The following MOB3B variants were observed in gnomAD, a reference collection of about 807,000 sequenced individuals.
The protein encoded by MOB3B is MOB kinase activator-like 2B.
MOB3B carries 7 observed loss-of-function variants against 18.7 expected under a neutral mutation model. The observed-to-expected ratio is 0.37, with a 90% confidence interval of 0.21 to 0.70. MOB3B has a LOEUF of 0.70. Ranked by LOEUF, MOB3B falls within the 30% of genes least tolerant of loss-of-function variation. The probability of loss-of-function intolerance (pLI) is 0.52; values close to 1 mark genes in which losing one functional copy is unlikely to be tolerated. For synonymous variants in MOB3B, 111 were observed against 99.9 expected, an observed-to-expected ratio of 1.11 and a Z score of -0.66; for missense variants, 253 against 281.3, an observed-to-expected ratio of 0.90 and a Z score of 0.72.
At chr9:27,402,084 T>C (rs972260441) in intron 2 of MOB3B, among the ~76,000 whole-genome samples, 2 of 152,220 alleles carry the variant, frequency 1.3e-5, no homozygotes, top group African/African-American at 2.4e-5. Context: ...AGTTTCTTCA[T>C]CTATAAAATG....
intron 2 of MOB3B, among the ~76,000 whole-genome samples, chr9:27,432,008 A>G (rs1432323085): frequency 1.3e-5 from 2 of 152,240 alleles, no homozygotes; most frequent in African/African-American, 4.8e-5. Context: ...AAACAGTCCA[A>G]CATCCATTAG....
chr9:27,360,130 C>T (rs557336575), intron 2 of MOB3B, among the ~76,000 whole-genome samples: 19 of 152,274 alleles, frequency 1.2e-4, no homozygotes, highest in South Asian at 6.2e-4. Context: ...CCTCCTACAG[C>T]GCCTAGAACA....
chr9:27,388,395 G>A (rs895406418), intron 2 of MOB3B, among the ~76,000 whole-genome samples: 3 of 152,066 alleles, frequency 2.0e-5, no homozygotes, highest in African/African-American at 7.2e-5. Flanking sequence ...CTGACCAGGG[G>A]GTTATTACCT....
chr9:27,487,152 T>TAAATAAAC (rs763941890), intron 1 of MOB3B, among the ~76,000 whole-genome samples: 1 of 16,144 alleles, frequency 6.2e-5, no homozygotes, highest in Non-Finnish European at 2.4e-4. Context: ...AATAAATAAA[T>TAAATAAAC]AAAATAAATA....
intron 3 of MOB3B, among the ~76,000 whole-genome samples, chr9:27,332,041 A>T (rs1820797302): frequency 6.6e-6 from 1 of 152,166 alleles, no homozygotes; most frequent in Non-Finnish European, 1.5e-5. Flanking sequence ...GCTGTTGCCC[A>T]GGCTGGAGTG....
At chr9:27,371,719 T>C (rs1316462178) in intron 2 of MOB3B, among the ~76,000 whole-genome samples, 1 of 152,146 alleles carries the variant, frequency 6.6e-6, no homozygotes, top group Non-Finnish European at 1.5e-5. Context: ...TGTGCCAGCC[T>C]GGAGAGTGTA....
chr9:27,479,483 C>CA (rs1425922543), intron 1 of MOB3B, among the ~76,000 whole-genome samples: 119 of 151,766 alleles, frequency 7.8e-4, no homozygotes, highest in Middle Eastern at 6.8e-3. Flanking sequence ...ATATTCATAC[C>CA]AAAAAAGAGA....
intron 1 of MOB3B, among the ~76,000 whole-genome samples, chr9:27,521,583 G>T (rs1820332307): frequency 6.6e-6 from 1 of 152,114 alleles, no homozygotes; most frequent in Non-Finnish European, 1.5e-5. Flanking sequence ...AGCAAAATGG[G>T]GAACAAGCAG....
intron 3 of MOB3B, among the ~76,000 whole-genome samples, chr9:27,332,842 T>C (rs1486444126): frequency 6.6e-6 from 1 of 152,246 alleles, no homozygotes; most frequent in South Asian, 2.1e-4. Flanking sequence ...AACTCAGGTC[T>C]ATCTGACCGC....
In MOB3B at chr9:27,455,474, T is replaced by C; in HGVS notation, c.77A>G (p.Gln26Arg). 2 of 1,614,220 alleles carry C rather than the reference T, an allele frequency of 1.2e-6. No homozygotes were observed. The highest frequency in any genetic ancestry group is 2.2e-5 in the South Asian group (2 of 91,086). ...RPKRKFEPGT[Q>R]RFELHKRAQA... ...AGCCCGTTTGTGCAGCTCAAACCTC[T>C]GTGTGCCAGGTTCAAATTTCCTCTT... is the stretch of plus-strand genomic sequence containing the variant. Residue 26 changes from glutamine (Q) to arginine (R), a missense_variant, in exon 2 of 4, where the codon CAG becomes CGG. Physicochemically the swap from Gln to Arg is conservative, Grantham distance 43 (BLOSUM62 1). Coordinates refer to ENST00000262244, the MANE Select transcript of MOB3B (RefSeq NM_024761.5).
At chr9:27,403,589 A>G (rs1245282183) in intron 2 of MOB3B, among the ~76,000 whole-genome samples, 3 of 134,160 alleles carry the variant, frequency 2.2e-5, no homozygotes, top group Non-Finnish European at 4.6e-5. Context: ...CTAGAGCGCA[A>G]TGGTGCAATC....
At position 27,328,380 on chromosome 9, in the gene MOB3B, T is replaced by A. The variant is rs1405671834; in HGVS notation, c.*2207A>T. 6.8e-6 allele frequency: 1 copy of A among 147,992 alleles called. No individual in the cohort carries two copies. Among genetic ancestry groups the A allele is most frequent in the Non-Finnish European group, 1.5e-5 (1 of 66,946 alleles). 9.2% of individuals were successfully genotyped at this position (147,992 alleles called of 1,614,324 possible). On this transcript the variant is annotated 3_prime_UTR_variant, in exon 4 of 4. Coordinates refer to ENST00000262244, the MANE Select transcript of MOB3B (RefSeq NM_024761.5). ...CCAAAGTTCTGTGGGAACAGGAATA[T>A]TCTGTGATTAAAAAAAAAAAAAGGG...
intron 3 of MOB3B, among the ~76,000 whole-genome samples, chr9:27,344,654 G>A (rs900813638): frequency 6.6e-6 from 1 of 150,494 alleles, no homozygotes; most frequent in Non-Finnish European, 1.5e-5. Flanking sequence ...ATGGGCAAGA[G>A]TGCCAACCTT....
At position 27,463,278 on chromosome 9, in the gene MOB3B, GTAT is replaced by G. The variant is rs199748734; in HGVS notation, c.-198-7533_-198-7531del. On this transcript the variant is annotated intron_variant, in intron 1 of 3. Transcript: ENST00000262244. ...TTAGTTTTCACAACCTTATGAATAGGTATTATTATTATTATACCTAATTTACGC... is the reference window on the plus strand; with the variant it reads ...TTAGTTTTCACAACCTTATGAATAGGTATTATTATTATACCTAATTTACGC... 4.7e-3 allele frequency among the ~76,000 whole-genome samples: 716 copies of G among 152,036 alleles called. 3 individuals are homozygous for G. Among genetic ancestry groups the G allele is most frequent in the African/African-American group, 0.016 (681 of 41,456 alleles).
chr9:27,357,356 A>G (rs1443669877), intron 3 of MOB3B, among the ~76,000 whole-genome samples: 3 of 151,252 alleles, frequency 2.0e-5, no homozygotes, highest in African/African-American at 7.3e-5. Flanking sequence ...GAGCTAGCCA[A>G]TTCCTAGTGA....
At chr9:27,483,172 G>A (rs1167856494) in intron 1 of MOB3B, among the ~76,000 whole-genome samples, 3 of 114,744 alleles carry the variant, frequency 2.6e-5, no homozygotes, top group African/African-American at 1.0e-4. Flanking sequence ...TTGCTCTGTC[G>A]CCCAGGCTGG....
intron 2 of MOB3B, among the ~76,000 whole-genome samples, chr9:27,406,469 T>C (rs1166975119): frequency 6.6e-6 from 1 of 152,176 alleles, no homozygotes; most frequent in Admixed American, 6.5e-5. Flanking sequence ...AGGCATCACA[T>C]TACACTGACT....
At chr9:27,450,788 C>T (rs1443867629) in intron 2 of MOB3B, among the ~76,000 whole-genome samples, 3 of 152,178 alleles carry the variant, frequency 2.0e-5, no homozygotes, top group Non-Finnish European at 4.4e-5. Context: ...CCTTCTTCAG[C>T]TTGTTTAAAT....
intron 1 of MOB3B, among the ~76,000 whole-genome samples, chr9:27,476,957 G>T (rs966246567): frequency 3.3e-5 from 5 of 152,130 alleles, no homozygotes; most frequent in Non-Finnish European, 5.9e-5. Context: ...TCTTGAAACA[G>T]CACAGCCCTG....
Sources: gnomAD v4.1 joint callset for allele counts (sites outside exome capture counted in the v4.1 genomes callset) on GRCh38, gnomAD v4.1.1 for gene constraint, MANE v1.5 for transcripts, NCBI Gene and HGNC (gene_info 2026-07-23, HGNC 2026-07-21) for gene names.